Variants in CAPN2 observed in about 807,000 individuals in gnomAD.
The protein encoded by CAPN2 is calpain 2.
Under a neutral mutation model 102.3 loss-of-function variants are expected in CAPN2, and 92 were observed. The observed-to-expected ratio is 0.90, with a 90% CI of 0.76 to 1.07. The LOEUF is 1.07. Among genes scored for constraint, CAPN2 ranks in the 50% least tolerant of loss-of-function variants. The pLI, the probability that CAPN2 is intolerant of heterozygous loss-of-function variation, is 0.00. For missense variants in CAPN2, 800 were observed against 909.4 expected, an observed-to-expected ratio of 0.88 and a Z score of 1.55; for synonymous variants, 340 against 355.4, an observed-to-expected ratio of 0.96 and a Z score of 0.49.
Position 223,771,944 on chromosome 1 carries a change from A to G in CAPN2, c.2020+19A>G, listed in dbSNP as rs571607861. 48 of 1,534,140 alleles carry G rather than the reference A, an allele frequency of 3.1e-5. 2 individuals carry two copies. The South Asian group carries it at 5.1e-4, about 16-fold the overall frequency. The stretch of plus-strand genomic sequence containing the variant: ...CTATTCAGTAAGTGGATATTTGGGG[A>G]ATGACTCATTTCAGTTCTCTTGGTA... On this transcript the variant is annotated intron_variant, in intron 19 of 20. Coordinates refer to ENST00000295006, the MANE Select transcript of CAPN2 (RefSeq NM_001748.5).
intron 20 of CAPN2, 63 bp downstream of exon 20, chr1:223,772,302 G>C: frequency 7.2e-7 from 1 of 1,387,650 alleles, no homozygotes; most frequent in Non-Finnish European, 1.0e-6. Flanking sequence ...GGAAAGGGCT[G>C]TTACTTGAGT....
At chr1:223,735,791 T>C (rs569583120) in intron 2 of CAPN2, among the ~76,000 whole-genome samples, 2 of 151,306 alleles carry the variant, frequency 1.3e-5, no homozygotes, top group South Asian at 4.2e-4. Context: ...CTTTTCTTTT[T>C]TTTTTTGAGA....
chr1:223,736,696 C>T lies in CAPN2; in HGVS notation c.308-7404C>T, dbSNP rs180795199. Among the ~76,000 whole-genome samples, 30 of 152,292 alleles carry T rather than the reference C, an allele frequency of 2.0e-4. No individual in the cohort carries two copies. In the East Asian group the frequency reaches 4.1e-3, roughly 21 times the overall value. On this transcript the variant is annotated intron_variant, in intron 2 of 20. Transcript: ENST00000295006. ...ATTTAAATCCAAGGGTTCCCTTCCC[C>T]CTGGGTATTTGCAGCCCATCTGATC...
rs574976702 is a variant in CAPN2, at chr1:223,761,049, C to G, written c.1530-532C>G. On this transcript the variant is annotated intron_variant, in intron 12 of 20. Transcript: ENST00000295006. Reference sequence around the variant, plus strand: ...CCTGAGCTTTGGCTGAAATGACACACAGGCCTCTGCACTGCCCACCTCTCC... The same window carrying G: ...CCTGAGCTTTGGCTGAAATGACACAGAGGCCTCTGCACTGCCCACCTCTCC... Among the ~76,000 whole-genome samples, 11 of 152,324 alleles carry G rather than the reference C, an allele frequency of 7.2e-5. No individual in the cohort carries two copies. The East Asian group carries it at 9.6e-4, about 13-fold the overall frequency.
At chr1:223,750,060 GT>G (rs1175590827) in intron 6 of CAPN2, among the ~76,000 whole-genome samples, 1 of 152,062 alleles carries the variant, frequency 6.6e-6, no homozygotes, top group Non-Finnish European at 1.5e-5. Context: ...ACAGAACCCA[GT>G]CTAGACCGCA....
In CAPN2 at chr1:223,759,610, G is replaced by A. The variant is rs1399873094; in HGVS notation, c.1529+129G>A. The A allele has an allele frequency of 8.8e-6, 6 of 685,528 alleles. No individual in the cohort carries two copies. Among genetic ancestry groups the A allele is most frequent in the South Asian group, 3.7e-5 (2 of 54,564 alleles). The allele number at this position is 685,528 out of a possible 1,614,324, so 42.5% of individuals were successfully genotyped here. A position where few individuals can be genotyped will look rare whatever the true frequency, so the allele number is the denominator to read the frequency against. On this transcript the variant is annotated intron_variant, in intron 12 of 20. Transcript: ENST00000295006. The surrounding 1 kb of genome is among the most constrained non-coding windows in gnomAD (Gnocchi z 4.6). ...TTTTTCTGTAACACCTGCCCACCTC[G>A]AAGGACTAGTGTGGGGATTTGATGG...
At position 223,769,911 on chromosome 1, in the gene CAPN2, T is replaced by G; in HGVS notation, c.1824+2T>G. The G allele has an allele frequency of 6.3e-7, 1 of 1,593,378 alleles. No individual in the cohort carries two copies. Among genetic ancestry groups the G allele is most frequent in the Non-Finnish European group, 8.6e-7 (1 of 1,168,828 alleles). ...TGGACGAAGATTCAAAAATACCAAG[T>G]AAGATCCCAGAGATGCGGGTGGATC... is the stretch of plus-strand genomic sequence containing the variant. On this transcript the variant is annotated splice_donor_variant, in intron 17 of 20. Coordinates refer to ENST00000295006, the MANE Select transcript of CAPN2 (RefSeq NM_001748.5). LOFTEE classifies it high-confidence loss of function.
intron 1 of CAPN2, among the ~76,000 whole-genome samples, chr1:223,705,980 C>T (rs1253738083): frequency 1.3e-5 from 2 of 152,302 alleles, no homozygotes; most frequent in East Asian, 3.9e-4. Flanking sequence ...AGACCCCACA[C>T]TTATAAGACT....
rs1344296871 is a variant in CAPN2 at position 223,766,301 on chromosome 1, T to TG, written c.1691-65dup. The stretch of plus-strand genomic sequence containing the variant: ...CACAGATAAAGAATATCTCCATGAT[T>TG]GTGGAAAGTTCAGTTGGACATCACC... On this transcript the variant is annotated intron_variant, in intron 15 of 20. Coordinates refer to ENST00000295006, the MANE Select transcript of CAPN2 (RefSeq NM_001748.5). 3.5e-6 allele frequency: 4 copies of TG among 1,152,884 alleles called. No individual in the cohort carries two copies. In the African/African-American group the frequency reaches 6.0e-5, roughly 17 times the overall value. 71.4% of individuals were successfully genotyped at this position (1,152,884 alleles called of 1,614,324 possible). A position where few individuals can be genotyped will look rare whatever the true frequency, so the allele number is the denominator to read the frequency against.
intron 14 of CAPN2, among the ~76,000 whole-genome samples, chr1:223,763,860 A>G (rs750873): frequency 0.13 from 20,004 of 152,076 alleles, 1,807 homozygotes; most frequent in African/African-American, 0.24. Flanking sequence ...GGATCGTTTG[A>G]GCCTAGGAGT....
rs1241662271 is a variant in CAPN2, at chr1:223,731,239, GA to G, written c.308-12858del. ...GCTTGGAGGGTCTGGTGCAGAAGGGGAAAGGAAGAGAAGGAAGTTTGGCTTA... is the reference window on the plus strand; with the variant it reads ...GCTTGGAGGGTCTGGTGCAGAAGGGGAAGGAAGAGAAGGAAGTTTGGCTTA... On this transcript the variant is annotated intron_variant, in intron 2 of 20. Coordinates refer to ENST00000295006, the MANE Select transcript of CAPN2 (RefSeq NM_001748.5). The surrounding 1 kb of genome is among the most constrained non-coding windows in gnomAD (Gnocchi z 4.2). Among the ~76,000 whole-genome samples the G allele has an allele frequency of 6.6e-6, 1 of 152,158 alleles. No homozygotes were observed. Among genetic ancestry groups the G allele is most frequent in the Non-Finnish European group, 1.5e-5 (1 of 68,032 alleles).
In CAPN2 at chr1:223,757,399, C is replaced by T. The variant is rs779708343; in HGVS notation, c.1317+19C>T. The T allele has an allele frequency of 2.5e-6, 4 of 1,614,046 alleles. No homozygotes were observed. In the East Asian group the frequency reaches 8.9e-5, roughly 36 times the overall value. ...AGAGGAGGTACGTCTGGCCCATGTC[C>T]CGGGGTGCTCAGGTCACCAAAAAAG... On this transcript the variant is annotated intron_variant, in intron 11 of 20. Coordinates refer to ENST00000295006, the MANE Select transcript of CAPN2 (RefSeq NM_001748.5).
chr1:223,738,662 A>C (rs1660526941), intron 2 of CAPN2, among the ~76,000 whole-genome samples: 1 of 152,220 alleles, frequency 6.6e-6, no homozygotes, highest in African/African-American at 2.4e-5. Context: ...TGAACAGCTG[A>C]CAGGAGCAGC....
At chr1:223,742,514 ATATATTTTT>A (rs1169564310) in intron 2 of CAPN2, among the ~76,000 whole-genome samples, 39 of 109,470 alleles carry the variant, frequency 3.6e-4, no homozygotes, top group African/African-American at 1.5e-3. Flanking sequence ...ATATATATAT[ATATATTTTT>A]TTTTTTTTTT....
chr1:223,748,079 C>T (rs577184099), intron 5 of CAPN2, among the ~76,000 whole-genome samples: 1 of 152,342 alleles, frequency 6.6e-6, no homozygotes, highest in Admixed American at 6.5e-5. Context: ...CTGCCACCTT[C>T]CCCTCCATCT....
intron 17 of CAPN2, chr1:223,770,234 G>A: frequency 1.7e-6 from 1 of 591,348 alleles, no homozygotes. Context: ...ATGGGCGTTG[G>A]CTGGCTGATT....
At chr1:223,720,315 C>CTTTTTTTTTTTTT (rs35138708) in intron 2 of CAPN2, among the ~76,000 whole-genome samples, 1 of 107,468 alleles carries the variant, frequency 9.3e-6, no homozygotes, top group Non-Finnish European at 1.7e-5. Flanking sequence ...CTCTTTCTCT[C>CTTTTTTTTTTTTT]TTTTTTTTTT....
At position 223,775,764 on chromosome 1, in the gene CAPN2, T is replaced by TAGGGGAAA. The variant is rs1661604492; in HGVS notation, c.*908_*909insGGGGAAAA. On this transcript the variant is annotated 3_prime_UTR_variant, in exon 21 of 21. Transcript: ENST00000295006. ...TACCTTGGGAAAATGCTAGCAACAT[T>TAGGGGAAA]ATAGAAATTTTGCCTTGTTGCCTTA... 6.6e-6 allele frequency: 1 copy of TAGGGGAAA among 152,616 alleles called. No homozygotes were observed. The highest frequency in any genetic ancestry group is 1.9e-4 in the East Asian group (1 of 5,192). The allele number at this position is 152,616 out of a possible 1,614,324, so 9.5% of individuals were successfully genotyped here. A position where few individuals can be genotyped will look rare whatever the true frequency, so the allele number is the denominator to read the frequency against.
At chr1:223,750,820 G>A in intron 6 of CAPN2, 70 bp from the exon 7 acceptor site, 4 of 1,413,986 alleles carry the variant, frequency 2.8e-6, no homozygotes, top group Non-Finnish European at 3.9e-6. Flanking sequence ...GAAGGGGGTT[G>A]GAGGCCCAAG....
Sources: allele counts gnomAD v4.1 joint callset (sites outside exome capture counted in the v4.1 genomes callset), GRCh38; gene constraint gnomAD v4.1.1; non-coding constraint Gnocchi (gnomAD v3.1); transcripts MANE v1.5; gene names NCBI Gene and HGNC (gene_info 2026-07-23, HGNC 2026-07-21).